The following MAGI3 variants were observed in gnomAD, a reference collection of about 807,000 sequenced individuals.
MAGI3 encodes the protein membrane-associated guanylate kinase, WW and PDZ domain-containing protein 3.
Under a neutral mutation model 121.8 loss-of-function variants are expected in MAGI3, and 43 were observed. The observed-to-expected ratio is 0.35, with a 90% CI of 0.28 to 0.46. The LOEUF is 0.46. Among genes scored for constraint, MAGI3 ranks in the 20% least tolerant of loss-of-function variants. MAGI3 has a pLI of 1.00. For missense variants in MAGI3, 1,547 were observed against 1,797.3 expected, an observed-to-expected ratio of 0.86 and a Z score of 2.52; for synonymous variants, 553 against 639.3, an observed-to-expected ratio of 0.86 and a Z score of 2.04.
intron 2 of MAGI3, among the ~76,000 whole-genome samples, chr1:113,559,410 TCAAC>T (rs919315361): frequency 6.6e-6 from 1 of 151,974 alleles, no homozygotes; most frequent in Non-Finnish European, 1.5e-5. Flanking sequence ...AAAATAGACT[TCAAC>T]CAACAGACTT....
At chr1:113,622,726 G>C in intron 8 of MAGI3, 80 bp from the exon 9 acceptor site, 1 of 1,159,680 alleles carries the variant, frequency 8.6e-7, no homozygotes, top group Non-Finnish European at 1.2e-6. Context: ...ACATTAAAAA[G>C]TCATATAAAA....
chr1:113,437,849 TTCTTCTTCTTCTTCC>T (rs1184662243), intron 1 of MAGI3, among the ~76,000 whole-genome samples: 1,380 of 66,548 alleles, frequency 0.021, 72 homozygotes, highest in East Asian at 0.046. Flanking sequence ...CTTCTTCTTC[TTCTTCTTCTTCTTCC>T]TCTTCTTCTT....
chr1:113,565,515 A>G (rs1413668840), intron 2 of MAGI3, among the ~76,000 whole-genome samples: 1 of 152,220 alleles, frequency 6.6e-6, no homozygotes, highest in Non-Finnish European at 1.5e-5. Flanking sequence ...AAATATTTAC[A>G]AAGCACTGAA....
chr1:113,553,680 G>C (rs72986648), intron 2 of MAGI3, among the ~76,000 whole-genome samples: 2,159 of 152,232 alleles, frequency 0.014, 40 homozygotes, highest in African/African-American at 0.05. Flanking sequence ...TAGCAAAAAA[G>C]GAAGAAAGAA....
At chr1:113,399,654 G>A (rs1023500477) in intron 1 of MAGI3, among the ~76,000 whole-genome samples, 1 of 151,720 alleles carries the variant, frequency 6.6e-6, no homozygotes. Context: ...ATACCTTAAT[G>A]TGCACAATTT....
At chr1:113,561,593 A>G (rs904718526) in intron 2 of MAGI3, among the ~76,000 whole-genome samples, 4 of 152,190 alleles carry the variant, frequency 2.6e-5, no homozygotes, top group African/African-American at 4.8e-5. Context: ...TCAATAAACT[A>G]GATATTGAAG....
chr1:113,450,573 G>T (rs1238835699), intron 1 of MAGI3: 5 of 1,055,462 alleles, frequency 4.7e-6, no homozygotes, highest in African/African-American at 3.1e-5. Context: ...TATGGTGGTG[G>T]TGGGAACTAT....
intron 2 of MAGI3, among the ~76,000 whole-genome samples, chr1:113,562,752 A>G (rs1660290442): frequency 6.6e-6 from 1 of 152,158 alleles, no homozygotes; most frequent in Admixed American, 6.5e-5. Context: ...CTTAATATGT[A>G]GGTGATAGGA....
chr1:113,633,490 T>C (rs1001219572), intron 9 of MAGI3, among the ~76,000 whole-genome samples: 1 of 151,808 alleles, frequency 6.6e-6, no homozygotes, highest in African/African-American at 2.4e-5. Context: ...CTCGATCTCC[T>C]GACCTCGTGA....
At chr1:113,590,461 C>A (rs1358163911) in intron 4 of MAGI3, 23 bp from the exon 5 acceptor site, 2 of 1,611,508 alleles carry the variant, frequency 1.2e-6, no homozygotes, top group Non-Finnish European at 1.7e-6. Flanking sequence ...CTTTTCACAC[C>A]TTTCTGTTTT....
rs1382235956 is a variant in MAGI3 at position 113,450,669 on chromosome 1, G to A, written c.316+59320G>A. On this transcript the variant is annotated intron_variant, in intron 1 of 20. Coordinates refer to ENST00000307546, the MANE Select transcript of MAGI3 (RefSeq NM_001142782.2). ...AGTTCTGGTGGAAGAAGCTCGGGCA[G>A]TCCCTATGGTGGTGGTTATGGATCT... 3 of 1,029,866 alleles carry A rather than the reference G, an allele frequency of 2.9e-6. No homozygotes were observed. In the East Asian group the frequency reaches 7.1e-5, roughly 24 times the overall value. 63.8% of individuals were successfully genotyped at this position (1,029,866 alleles called of 1,614,324 possible).
At chr1:113,435,716 T>TATAG (rs1358310648) in intron 1 of MAGI3, among the ~76,000 whole-genome samples, 1 of 152,154 alleles carries the variant, frequency 6.6e-6, no homozygotes, top group Non-Finnish European at 1.5e-5. Flanking sequence ...CTTTAATTTA[T>TATAG]ATTTAAATCT....
intron 9 of MAGI3, among the ~76,000 whole-genome samples, chr1:113,634,308 G>T (rs1405398215): frequency 1.3e-5 from 2 of 151,840 alleles, no homozygotes; most frequent in African/African-American, 2.4e-5. Context: ...TGAAGTCCTT[G>T]CCCATGCCTA....
intron 1 of MAGI3, among the ~76,000 whole-genome samples, chr1:113,447,306 G>A (rs760362253): frequency 3.3e-5 from 5 of 152,186 alleles, no homozygotes; most frequent in Admixed American, 6.5e-5. Context: ...GGGCCTTCTT[G>A]CTGCATTGTC....
chr1:113,574,051 T>C (rs572047845), intron 2 of MAGI3, among the ~76,000 whole-genome samples: 1 of 152,290 alleles, frequency 6.6e-6, no homozygotes, highest in Admixed American at 6.5e-5. Context: ...TGGTAAATAT[T>C]CCTCCATCCA....
chr1:113,618,870 A>T (rs182951215), intron 7 of MAGI3, among the ~76,000 whole-genome samples: 1 of 152,368 alleles, frequency 6.6e-6, no homozygotes, highest in Non-Finnish European at 1.5e-5. Flanking sequence ...TGGAAGTGTT[A>T]GAATATGATT....
chr1:113,433,739 G>C (rs1404735039), intron 1 of MAGI3, among the ~76,000 whole-genome samples: 1 of 152,040 alleles, frequency 6.6e-6, no homozygotes, highest in Non-Finnish European at 1.5e-5. Context: ...ACTTAACACG[G>C]TATATTCTTT....
chr1:113,416,693 TGAA>T (rs2101365181), intron 1 of MAGI3, among the ~76,000 whole-genome samples: 1 of 150,868 alleles, frequency 6.6e-6, no homozygotes, highest in East Asian at 2.0e-4. Flanking sequence ...AGGGAGATTA[TGAA>T]GGAGAGCTGG....
At chr1:113,507,325 T>G in intron 1 of MAGI3, among the ~76,000 whole-genome samples, 1 of 152,198 alleles carries the variant, frequency 6.6e-6, no homozygotes, top group East Asian at 1.9e-4. Context: ...TGGCATATTA[T>G]ATTTTATAGT....
Sources: allele counts gnomAD v4.1 joint callset (sites outside exome capture counted in the v4.1 genomes callset), GRCh38; gene constraint gnomAD v4.1.1; transcripts MANE v1.5; gene names NCBI Gene and HGNC (gene_info 2026-07-23, HGNC 2026-07-21).